Variants in NREP observed in about 807,000 individuals in gnomAD.
NREP encodes neuronal regeneration-related protein.
Under a neutral mutation model 8.6 loss-of-function variants are expected in NREP, and 5 were observed. That is an observed-to-expected ratio of 0.58 (90% CI 0.30 to 1.22). The LOEUF (loss-of-function observed/expected upper bound fraction) is 1.22. NREP is among the 50% of genes most tolerant of loss of function. The probability of loss-of-function intolerance (pLI) is 0.07; values close to 1 mark genes in which losing one functional copy is unlikely to be tolerated. For synonymous variants in NREP, 27 were observed against 28.0 expected, an observed-to-expected ratio of 0.96 and a Z score of 0.11; for missense variants, 86 against 82.5, an observed-to-expected ratio of 1.04 and a Z score of -0.17.
At chr5:111,915,983 T>C (rs1755045950) in intron 2 of NREP, among the ~76,000 whole-genome samples, 1 of 152,036 alleles carries the variant, frequency 6.6e-6, no homozygotes, top group African/African-American at 2.4e-5. Context: ...ATGCCACAAA[T>C]GTGTTTAGGG....
chr5:111,771,736 C>G (rs1213764356), intron 2 of NREP, among the ~76,000 whole-genome samples: 1 of 147,668 alleles, frequency 6.8e-6, no homozygotes, highest in African/African-American at 2.5e-5. Context: ...GCACTCCAGC[C>G]TGGGCAACAA....
At chr5:111,804,208 A>G (rs1752082895) in intron 2 of NREP, among the ~76,000 whole-genome samples, 1 of 152,248 alleles carries the variant, frequency 6.6e-6, no homozygotes. Flanking sequence ...ATAGAATAGA[A>G]AATTCAGAAA....
intron 3 of NREP, chr5:111,734,886 A>G (rs1411765261): frequency 2.3e-6 from 1 of 431,470 alleles, no homozygotes; most frequent in African/African-American, 2.0e-5. Flanking sequence ...ATTATGCTAA[A>G]ATCTAAAATA....
chr5:111,869,257 G>C (rs1753734082), intron 2 of NREP, among the ~76,000 whole-genome samples: 1 of 152,170 alleles, frequency 6.6e-6, no homozygotes, highest in African/African-American at 2.4e-5. Flanking sequence ...GCGAAGCCTA[G>C]AGGCTCATTA....
intron 2 of NREP, among the ~76,000 whole-genome samples, chr5:111,891,815 C>G (rs1270762913): frequency 6.6e-6 from 1 of 152,152 alleles, no homozygotes; most frequent in Non-Finnish European, 1.5e-5. Flanking sequence ...GAGGACAGCA[C>G]CAAGGGCATG....
At chr5:111,926,159 C>T (rs975685925) in intron 2 of NREP, among the ~76,000 whole-genome samples, 2 of 152,068 alleles carry the variant, frequency 1.3e-5, no homozygotes, top group African/African-American at 4.8e-5. Flanking sequence ...GAACCTGAAC[C>T]CTACTGGCAC....
intron 2 of NREP, among the ~76,000 whole-genome samples, chr5:111,746,816 A>T (rs896704063): frequency 6.6e-6 from 1 of 152,176 alleles, no homozygotes; most frequent in Admixed American, 6.5e-5. Flanking sequence ...TGATTTATCT[A>T]TTCAAATTCT....
upstream of NREP, among the ~76,000 whole-genome samples, chr5:111,758,419 A>T (rs1750867761): frequency 2.0e-5 from 3 of 152,254 alleles, no homozygotes; most frequent in African/African-American, 7.2e-5. Context: ...TGATTTTTGT[A>T]AACTCGTCGT....
chr5:111,875,938 A>G (rs1753896714), intron 2 of NREP, among the ~76,000 whole-genome samples: 1 of 152,172 alleles, frequency 6.6e-6, no homozygotes, highest in Non-Finnish European at 1.5e-5. Context: ...GTGAAATGTA[A>G]GGGGTTTTAT....
At chr5:111,763,754 A>ATG (rs3067515) in intron 2 of NREP, among the ~76,000 whole-genome samples, 28,544 of 146,304 alleles carry the variant, frequency 0.2, 2,917 homozygotes, top group African/African-American at 0.29. Context: ...GTACGTCTGT[A>ATG]TGTGTGTGTG....
intron 2 of NREP, among the ~76,000 whole-genome samples, chr5:111,740,090 TG>T (rs1749518892): frequency 6.6e-6 from 1 of 152,150 alleles, no homozygotes. Flanking sequence ...GTTTGAATTC[TG>T]GGGAAGTTTG....
chr5:111,975,162 C>T, intron 2 of NREP: 1 of 717,310 alleles, frequency 1.4e-6, no homozygotes, highest in East Asian at 2.8e-5. Context: ...TTTCACGGGG[C>T]AATGGTGGGA....
chr5:111,891,613 G>C (rs1175420094), intron 2 of NREP, among the ~76,000 whole-genome samples: 1 of 152,118 alleles, frequency 6.6e-6, no homozygotes, highest in Non-Finnish European at 1.5e-5. Flanking sequence ...TGTTTAATTG[G>C]CTCATGGTTC....
chr5:111,845,970 A>G lies in NREP; in HGVS notation c.136-110463T>C, dbSNP rs1349589777. The stretch of plus-strand genomic sequence containing the variant: ...CATATTGCCATTTAGTATGCTTTGT[A>G]TTACAGGATAAAAAGTACCACCAGC... On this transcript the variant is annotated intron_variant, in intron 2 of 3. Transcript: ENST00000395634. 13 of 153,174 alleles carry G rather than the reference A, an allele frequency of 8.5e-5. No homozygotes were observed. In the Admixed American group the frequency reaches 8.5e-4, roughly 10 times the overall value. 9.5% of individuals were successfully genotyped at this position (153,174 alleles called of 1,614,324 possible). A position where few individuals can be genotyped will look rare whatever the true frequency, so the allele number is the denominator to read the frequency against.
intron 1 of NREP, among the ~76,000 whole-genome samples, chr5:111,975,740 A>T (rs1268201344): frequency 6.6e-6 from 1 of 152,220 alleles, no homozygotes; most frequent in Non-Finnish European, 1.5e-5. Context: ...AACCTCCTCA[A>T]TTTGAAATTA....
intron 2 of NREP, among the ~76,000 whole-genome samples, chr5:111,799,053 G>A (rs1751940986): frequency 6.6e-6 from 1 of 152,128 alleles, no homozygotes; most frequent in African/African-American, 2.4e-5. Context: ...CAGGGTAAAA[G>A]TGTTTCCTTT....
chr5:111,868,577 C>T (rs1753718320), intron 2 of NREP, among the ~76,000 whole-genome samples: 1 of 152,156 alleles, frequency 6.6e-6, no homozygotes, highest in Non-Finnish European at 1.5e-5. Context: ...CAATATATAG[C>T]CATTGATAAC....
chr5:111,862,302 G>C (rs910809748), intron 2 of NREP, among the ~76,000 whole-genome samples: 3 of 152,182 alleles, frequency 2.0e-5, no homozygotes, highest in African/African-American at 7.2e-5. Flanking sequence ...GCAGAAAACA[G>C]ACTGTCATTG....
At chr5:111,914,194 T>A (rs1394653477) in intron 2 of NREP, among the ~76,000 whole-genome samples, 1 of 152,128 alleles carries the variant, frequency 6.6e-6, no homozygotes, top group Non-Finnish European at 1.5e-5. Context: ...AGGTTCCTCT[T>A]CAAAGAGACT....
Sources: gnomAD v4.1 joint callset for allele counts (sites outside exome capture counted in the v4.1 genomes callset) on GRCh38, gnomAD v4.1.1 for gene constraint, MANE v1.5 for transcripts, NCBI Gene and HGNC (gene_info 2026-07-23, HGNC 2026-07-21) for gene names.